TTC28: variants seen among roughly 807,000 people sequenced by gnomAD.
TTC28 encodes the protein tetratricopeptide repeat protein 28.
In TTC28, 61 loss-of-function variants were observed where a neutral mutation model predicts 198.0. The ratio of observed to expected loss-of-function variants is 0.31; its 90% CI spans 0.25 to 0.38. The LOEUF is 0.38. TTC28 is among the 10% of genes least tolerant of loss of function. The pLI is 1.00. For synonymous variants in TTC28, 1,171 were observed against 1,297.8 expected (o/e 0.90, Z 2.10); for missense variants, 2,678 against 3,164.0 (o/e 0.85, Z 3.69).
At chr22:28,527,545 T>C (rs533627151) in intron 2 of TTC28, among the ~76,000 whole-genome samples, 37 of 152,144 alleles carry the variant, frequency 2.4e-4, no homozygotes, top group South Asian at 1.0e-3. Context: ...GTTTCAGACA[T>C]TGGGGAAGGG....
At chr22:28,176,057 T>C (rs182251618) in intron 5 of TTC28, among the ~76,000 whole-genome samples, 60 of 152,292 alleles carry the variant, frequency 3.9e-4, no homozygotes, top group Non-Finnish European at 6.9e-4. Context: ...ATCCTAATAC[T>C]GGTTATATAT....
chr22:28,289,371 T>G (rs545504862), intron 5 of TTC28, among the ~76,000 whole-genome samples: 2 of 152,222 alleles, frequency 1.3e-5, no homozygotes, highest in Non-Finnish European at 2.9e-5. Context: ...TCTAATCCTA[T>G]GTAATTTATG....
At chr22:28,496,035 T>C (rs1282072771) in intron 2 of TTC28, among the ~76,000 whole-genome samples, 1 of 152,096 alleles carries the variant, frequency 6.6e-6, no homozygotes, top group Non-Finnish European at 1.5e-5. Context: ...TGCTCCCTCC[T>C]CCTTAAAACA....
chr22:28,555,217 A>C (rs558675247), intron 2 of TTC28, among the ~76,000 whole-genome samples: 2 of 152,242 alleles, frequency 1.3e-5, no homozygotes, highest in Non-Finnish European at 2.9e-5. Context: ...GGATGTAGTG[A>C]AAAGGGACCA....
At chr22:28,198,261 T>G (rs71325276) in intron 5 of TTC28, among the ~76,000 whole-genome samples, 1 of 152,046 alleles carries the variant, frequency 6.6e-6, no homozygotes, top group Non-Finnish European at 1.5e-5. Flanking sequence ...CTCTAATCGA[T>G]AGATGCCAGC....
At chr22:28,383,396 G>C (rs912245408) in intron 2 of TTC28, among the ~76,000 whole-genome samples, 7 of 152,214 alleles carry the variant, frequency 4.6e-5, no homozygotes, top group Non-Finnish European at 8.8e-5. Flanking sequence ...CTTATTATTT[G>C]TGATTTCAGG....
chr22:28,557,577 T>C lies in TTC28; in HGVS notation c.381+71975A>G, dbSNP rs1338853371. Among the ~76,000 whole-genome samples the C allele has an allele frequency of 2.6e-5, 4 of 152,272 alleles. No individual in the cohort carries two copies. The East Asian group carries it at 5.8e-4, about 22-fold the overall frequency. On this transcript the variant is annotated intron_variant, in intron 2 of 22. Coordinates refer to ENST00000397906, the MANE Select transcript of TTC28 (RefSeq NM_001145418.2). ...TCGCTCATTTTTGTGAGTTCCTCTC[T>C]TGTATCTTTAAATATTTTATGCATA... is the stretch of plus-strand genomic sequence containing the variant.
intron 6 of TTC28, among the ~76,000 whole-genome samples, chr22:28,109,862 C>A (rs1477828392): frequency 1.3e-5 from 2 of 152,114 alleles, no homozygotes; most frequent in East Asian, 1.9e-4. Flanking sequence ...CCCCAAAAGT[C>A]AAAAATGCCA....
At chr22:28,553,388 T>G (rs1359824628) in intron 2 of TTC28, among the ~76,000 whole-genome samples, 1 of 151,080 alleles carries the variant, frequency 6.6e-6, no homozygotes, top group African/African-American at 2.4e-5. Flanking sequence ...GAGGAGCGTC[T>G]CTGCCCGGCC....
intron 1 of TTC28, among the ~76,000 whole-genome samples, chr22:28,671,421 G>A (rs2145710147): frequency 6.6e-6 from 1 of 151,998 alleles, no homozygotes; most frequent in South Asian, 2.1e-4. Context: ...GGATCACGAG[G>A]TCAGGAGATC....
rs529409749 is a variant in TTC28 at position 28,618,697 on chromosome 22, A to C, written c.381+10855T>G. Among the ~76,000 whole-genome samples, 121 of 151,884 alleles carry C rather than the reference A, an allele frequency of 8.0e-4. No homozygotes were observed. In the South Asian group the frequency reaches 8.3e-3, roughly 10 times the overall value. On this transcript the variant is annotated intron_variant, in intron 2 of 22. Coordinates refer to ENST00000397906, the MANE Select transcript of TTC28 (RefSeq NM_001145418.2). Reference sequence around the variant, plus strand: ...ACTCTGTCTCCAAAAAAAAAAAAAAAAAACATAGCAAAGAGGTAGGATATC... The same window carrying C: ...ACTCTGTCTCCAAAAAAAAAAAAAACAAACATAGCAAAGAGGTAGGATATC...
At chr22:28,602,298 A>G (rs1193653948) in intron 2 of TTC28, among the ~76,000 whole-genome samples, 1 of 152,182 alleles carries the variant, frequency 6.6e-6, no homozygotes, top group African/African-American at 2.4e-5. Context: ...AGAGACTCCT[A>G]ATATACTTCT....
chr22:28,062,433 G>A (rs1446552670), intron 12 of TTC28, among the ~76,000 whole-genome samples: 2 of 67,982 alleles, frequency 2.9e-5, no homozygotes, highest in Admixed American at 1.5e-4. Flanking sequence ...TTTTTTTTTT[G>A]GAATTATTTG....
chr22:28,357,922 A>G (rs2046103254), intron 2 of TTC28, among the ~76,000 whole-genome samples: 1 of 152,178 alleles, frequency 6.6e-6, no homozygotes, highest in Admixed American at 6.5e-5. Flanking sequence ...TCAAAATGCC[A>G]GATAGATAGT....
intron 14 of TTC28, among the ~76,000 whole-genome samples, chr22:28,003,101 G>A (rs1428453800): frequency 6.6e-6 from 1 of 152,196 alleles, no homozygotes; most frequent in East Asian, 1.9e-4. Flanking sequence ...CCCCGACACT[G>A]TCTATGGATG....
chr22:28,621,252 A>T (rs901333249), intron 2 of TTC28, among the ~76,000 whole-genome samples: 1 of 152,226 alleles, frequency 6.6e-6, no homozygotes. Context: ...CTTGACTATC[A>T]ATCCAACTGA....
intron 1 of TTC28, among the ~76,000 whole-genome samples, chr22:28,653,807 T>C (rs1212722654): frequency 6.6e-6 from 1 of 152,200 alleles, no homozygotes; most frequent in East Asian, 1.9e-4. Flanking sequence ...CCTTTTCTCC[T>C]GTTAATGTTG....
chr22:28,162,821 G>A, intron 6 of TTC28, among the ~76,000 whole-genome samples: 1 of 152,160 alleles, frequency 6.6e-6, no homozygotes, highest in Admixed American at 6.5e-5. Context: ...GTACTGGCGT[G>A]TGCCTGTCGT....
At chr22:28,532,586 C>T (rs2049164831) in intron 2 of TTC28, among the ~76,000 whole-genome samples, 1 of 152,190 alleles carries the variant, frequency 6.6e-6, no homozygotes, top group Non-Finnish European at 1.5e-5. Flanking sequence ...ATACCAAAGC[C>T]TGGCAGAGAC....
Sources: gnomAD v4.1 joint callset for allele counts (sites outside exome capture counted in the v4.1 genomes callset) on GRCh38, gnomAD v4.1.1 for gene constraint, MANE v1.5 for transcripts, NCBI Gene and HGNC (gene_info 2026-07-23, HGNC 2026-07-21) for gene names.